Variants in FBXO34 observed in about 807,000 individuals in gnomAD.
The protein encoded by FBXO34 is F-box only protein 34.
FBXO34 carries 12 observed loss-of-function variants against 24.5 expected under a neutral mutation model. That is an observed-to-expected ratio of 0.49 (90% CI 0.31 to 0.79). FBXO34 has a LOEUF of 0.79. Ranked by LOEUF, FBXO34 falls within the 30% of genes least tolerant of loss-of-function variation. FBXO34 has a pLI of 0.04. For synonymous variants in FBXO34, 320 were observed against 311.9 expected, an observed-to-expected ratio of 1.03 and a Z score of -0.27; for missense variants, 823 against 857.7, an observed-to-expected ratio of 0.96 and a Z score of 0.51.
At chr14:55,301,214 A>T (rs1286954001) in intron 1 of FBXO34, among the ~76,000 whole-genome samples, 1 of 152,004 alleles carries the variant, frequency 6.6e-6, no homozygotes, top group African/African-American at 2.4e-5. Flanking sequence ...GGAGGGGAGG[A>T]TTGGTTGTCT....
At chr14:55,401,802 C>G in the FBXO34 span, among the ~76,000 whole-genome samples, 7 of 152,178 alleles carry the variant, frequency 4.6e-5, no homozygotes, top group African/African-American at 1.4e-4. Context: ...TCAGAGGCAG[C>G]CACCCAGGAG....
chr14:55,400,109 G>C, the FBXO34 span, among the ~76,000 whole-genome samples: 3 of 152,214 alleles, frequency 2.0e-5, no homozygotes, highest in African/African-American at 7.2e-5. Flanking sequence ...AAGCAAAAGA[G>C]CAAATGATAC....
chr14:55,323,184 CAAAA>C lies in FBXO34; in HGVS notation c.-10-27165_-10-27162del, dbSNP rs368380622. On this transcript the variant is annotated intron_variant, in intron 1 of 1. Coordinates refer to ENST00000313833, the MANE Select transcript of FBXO34 (RefSeq NM_017943.4). ...TGGGCGACAGAGTGAGACTCTGTCT[CAAAA>C]AAAAAAAAAAAAAAAAAAAAAAAAA... Among the ~76,000 whole-genome samples the C allele has an allele frequency of 2.7e-3, 33 of 12,164 alleles. 1 individual carries two copies. Among genetic ancestry groups the C allele is most frequent in the African/African-American group, 0.016 (32 of 1,940 alleles). The allele number at this position is 12,164 out of a possible 152,430, so 8.0% of individuals were successfully genotyped here. A position where few individuals can be genotyped will look rare whatever the true frequency, so the allele number is the denominator to read the frequency against.
intron 1 of FBXO34, among the ~76,000 whole-genome samples, chr14:55,348,376 G>A (rs898239289): frequency 2.0e-5 from 3 of 152,020 alleles, no homozygotes; most frequent in East Asian, 3.9e-4. Flanking sequence ...CTACAGGCAC[G>A]TGCCGTCACA....
chr14:55,384,698 A>G, the FBXO34 span, among the ~76,000 whole-genome samples: 7 of 152,256 alleles, frequency 4.6e-5, no homozygotes, highest in Non-Finnish European at 1.0e-4. Context: ...ACTGAAGAGA[A>G]TAGTTATGAA....
At chr14:55,413,422 ATTAC>A in the FBXO34 span, 16 of 176,910 alleles carry the variant, frequency 9.0e-5, no homozygotes, top group African/African-American at 1.7e-4. Flanking sequence ...ATATTAATGT[ATTAC>A]TTAACAGCAG....
chr14:55,323,214 A>ATATATAT (rs1236501244), intron 1 of FBXO34, among the ~76,000 whole-genome samples: 486 of 38,830 alleles, frequency 0.013, 14 homozygotes, highest in Non-Finnish European at 0.015. Context: ...AAAAAAAAAA[A>ATATATAT]AAAAATATAT....
chr14:55,435,979 G>GAAA, the FBXO34 span: 2 of 813,280 alleles, frequency 2.5e-6, no homozygotes, highest in Non-Finnish European at 3.5e-6. Context: ...GATATAAAGA[G>GAAA]TAAAAAAAAA....
chr14:55,350,559 T>TC lies in FBXO34; in HGVS notation c.170dup (p.Ser58IlefsTer29). 6.2e-7 allele frequency: 1 copy of TC among 1,613,366 alleles called. No individual in the cohort carries two copies. The highest frequency in any genetic ancestry group is 8.5e-7 in the Non-Finnish European group (1 of 1,179,790). On this transcript the variant is annotated frameshift_variant, in exon 2 of 2. Coordinates refer to ENST00000313833, the MANE Select transcript of FBXO34 (RefSeq NM_017943.4). LOFTEE classifies it low-confidence loss of function (END_TRUNC). ...TCCTTCAGCCTCTCTCGGTAAAGCA[T>TC]CATCTCGAAAGCCATTTGGGATCCT...
chr14:55,315,036 TC>T (rs1463700589), intron 1 of FBXO34, among the ~76,000 whole-genome samples: 1 of 152,204 alleles, frequency 6.6e-6, no homozygotes, highest in Non-Finnish European at 1.5e-5. Context: ...TTTTTTCTCA[TC>T]CCCAGGAATG....
chr14:55,411,792 C>T, the FBXO34 span: 1 of 1,600,400 alleles, frequency 6.2e-7, no homozygotes, highest in Non-Finnish European at 8.5e-7. Context: ...GCCTCCAGCG[C>T]CCGGGCTCCC....
chr14:55,324,810 G>C (rs942194387), intron 1 of FBXO34, among the ~76,000 whole-genome samples: 1 of 151,940 alleles, frequency 6.6e-6, no homozygotes, highest in Non-Finnish European at 1.5e-5. Flanking sequence ...AGTCTGTTTG[G>C]GCTGCTATTA....
chr14:55,327,116 C>G (rs1883366849), intron 1 of FBXO34, among the ~76,000 whole-genome samples: 1 of 152,084 alleles, frequency 6.6e-6, no homozygotes, highest in Non-Finnish European at 1.5e-5. Flanking sequence ...CAGGGAGTGC[C>G]TCTCTAAGAT....
chr14:55,397,513 A>G, the FBXO34 span: 1 of 1,114,988 alleles, frequency 9.0e-7, no homozygotes, highest in Non-Finnish European at 1.3e-6. Flanking sequence ...CCCAAGAACC[A>G]ATCATTCTGC....
At chr14:55,283,964 G>C (rs910289160) in intron 1 of FBXO34, among the ~76,000 whole-genome samples, 42 of 147,310 alleles carry the variant, frequency 2.9e-4, no homozygotes, top group African/African-American at 1.1e-3. Flanking sequence ...GTGTGTGTGT[G>C]TGTGTGTGTG....
intron 1 of FBXO34, among the ~76,000 whole-genome samples, chr14:55,311,724 T>A (rs1005759818): frequency 3.3e-5 from 5 of 152,096 alleles, no homozygotes; most frequent in Non-Finnish European, 7.4e-5. Context: ...TCCTTTTTTT[T>A]ATTTTGTTGT....
At chr14:55,274,846 G>A (rs566436716) in intron 1 of FBXO34, among the ~76,000 whole-genome samples, 1 of 152,242 alleles carries the variant, frequency 6.6e-6, no homozygotes, top group South Asian at 2.1e-4. Context: ...TCCAAAATTT[G>A]CAGCTGTTTA....
chr14:55,339,385 C>CCG (rs374560045), intron 1 of FBXO34: 5 of 145,524 alleles, frequency 3.4e-5, no homozygotes, highest in African/African-American at 7.7e-5. Context: ...CCTGCCCCCC[C>CCG]CCCCAATCCT....
intron 1 of FBXO34, among the ~76,000 whole-genome samples, chr14:55,343,547 C>G (rs1884060514): frequency 6.6e-6 from 1 of 152,094 alleles, no homozygotes; most frequent in African/African-American, 2.4e-5. Flanking sequence ...TGCCCCCAGC[C>G]ATTATTCCTC....
Sources: gnomAD v4.1 joint callset for allele counts (sites outside exome capture counted in the v4.1 genomes callset) on GRCh38, gnomAD v4.1.1 for gene constraint, MANE v1.5 for transcripts, NCBI Gene and HGNC (gene_info 2026-07-23, HGNC 2026-07-21) for gene names.